TMPRSS4: variants seen among roughly 807,000 people sequenced by gnomAD.
TMPRSS4 encodes transmembrane serine protease 4.
TMPRSS4 carries 45 observed loss-of-function variants against 56.4 expected under a neutral mutation model. The ratio of observed to expected loss-of-function variants is 0.80; its 90% CI spans 0.63 to 1.02. The LOEUF (loss-of-function observed/expected upper bound fraction) is 1.02. TMPRSS4 is among the 50% of genes least tolerant of loss of function. The probability of loss-of-function intolerance (pLI) is 0.00; values close to 1 mark genes in which losing one functional copy is unlikely to be tolerated. For missense variants in TMPRSS4, 546 were observed against 556.7 expected, an observed-to-expected ratio of 0.98 and a Z score of 0.19; for synonymous variants, 205 against 211.0, an observed-to-expected ratio of 0.97 and a Z score of 0.25.
chr11:118,091,784 A>C (rs925607951), intron 1 of TMPRSS4, among the ~76,000 whole-genome samples: 2 of 152,210 alleles, frequency 1.3e-5, no homozygotes, highest in Non-Finnish European at 2.9e-5. Flanking sequence ...AAACTGTTAC[A>C]TGCCAGTTGG....
chr11:118,078,483 T>A (rs767500419), intron 1 of TMPRSS4, among the ~76,000 whole-genome samples: 23 of 152,150 alleles, frequency 1.5e-4, no homozygotes, highest in Non-Finnish European at 2.9e-4. Flanking sequence ...CTTAGTGCGG[T>A]TGTAGCTGAT....
At chr11:118,079,461 G>A (rs1944960295) in intron 1 of TMPRSS4, among the ~76,000 whole-genome samples, 1 of 152,186 alleles carries the variant, frequency 6.6e-6, no homozygotes, top group African/African-American at 2.4e-5. Flanking sequence ...CCAGGCAGAG[G>A]TCAGAGCCCA....
chr11:118,099,457 G>GAAA (rs746950946), intron 3 of TMPRSS4, among the ~76,000 whole-genome samples: 1,207 of 25,310 alleles, frequency 0.048, 46 homozygotes, highest in East Asian at 0.36. Context: ...GAGAGAAAGA[G>GAAA]AGAAAGAAAG....
intron 9 of TMPRSS4, 96 bp downstream of exon 9, chr11:118,113,531 T>C: frequency 7.3e-7 from 1 of 1,370,800 alleles, no homozygotes; most frequent in Non-Finnish European, 1.0e-6. Flanking sequence ...ACATAATGTC[T>C]CCTCTCAAGT....
intron 1 of TMPRSS4, among the ~76,000 whole-genome samples, chr11:118,093,831 G>A (rs1946129747): frequency 6.9e-6 from 1 of 145,024 alleles, no homozygotes; most frequent in Non-Finnish European, 1.5e-5. Context: ...CCCCCCAATG[G>A]TAACCACTAT....
Position 118,099,010 on chromosome 11 carries a change from T to C in TMPRSS4, c.69T>C (p.Arg23=), listed in dbSNP as rs1355763870. 6.2e-7 allele frequency: 1 copy of C among 1,613,854 alleles called. No homozygotes were observed. The highest frequency in any genetic ancestry group is 8.5e-7 in the Non-Finnish European group (1 of 1,179,850). ...ATGTCAAACCCCTGCGCAAACCCCG[T>C]ATCCCCATGGAGACCTTCAGAAAGG... ...SLDVKPLRKP[R]IPMETFRKVG... is the part of the protein sequence containing the mutation. The change falls in exon 3 of 13, where the codon CGT becomes CGC. Residue 23 remains arginine, a synonymous_variant. Coordinates refer to ENST00000437212, the MANE Select transcript of TMPRSS4 (RefSeq NM_019894.4).
At chr11:118,081,720 G>A (rs1433213315) in intron 1 of TMPRSS4, among the ~76,000 whole-genome samples, 7 of 152,164 alleles carry the variant, frequency 4.6e-5, no homozygotes, top group Admixed American at 3.3e-4. Flanking sequence ...AGCATATCCT[G>A]CTGTCTCAGT....
Position 118,077,141 on chromosome 11 carries a change from G to A in TMPRSS4, c.-162G>A. ...GCGGACAAGGATGCTGGGCGTGAGG[G>A]ACCAAGGCCTGCCCTGCACTCGGGC... On this transcript the variant is annotated 5_prime_UTR_variant, in exon 1 of 13. Transcript: ENST00000437212. 2 of 728,294 alleles carry A rather than the reference G, an allele frequency of 2.7e-6. No homozygotes were observed. Among genetic ancestry groups the A allele is most frequent in the Non-Finnish European group, 4.4e-6 (2 of 455,242 alleles). 45.1% of individuals were successfully genotyped at this position (728,294 alleles called of 1,614,324 possible). A position where few individuals can be genotyped will look rare whatever the true frequency, so the allele number is the denominator to read the frequency against.
chr11:118,094,830 C>T lies in TMPRSS4; in HGVS notation c.18C>T (p.Asp6=). ...TTTTCCTTCAATTACAGGATCCTGACAGTGATCAACCTCTGAACAGCCTCG... is the reference window on the plus strand; with the variant it reads ...TTTTCCTTCAATTACAGGATCCTGATAGTGATCAACCTCTGAACAGCCTCG... MLQDP[D]SDQPLNSLDV... The change falls in exon 2 of 13, where the codon GAC becomes GAT. Residue 6 remains aspartate (D), a synonymous_variant. Transcript: ENST00000437212. 6.2e-7 allele frequency: 1 copy of T among 1,612,292 alleles called. No homozygotes were observed. The highest frequency in any genetic ancestry group is 8.5e-7 in the Non-Finnish European group (1 of 1,179,338).
At chr11:118,112,545 A>G (rs1185273019) in intron 8 of TMPRSS4, among the ~76,000 whole-genome samples, 1 of 151,824 alleles carries the variant, frequency 6.6e-6, no homozygotes, top group East Asian at 1.9e-4. Flanking sequence ...GGCATGGGCC[A>G]CCATGCCCGG....
In TMPRSS4 at chr11:118,113,453, AG is replaced by A; in HGVS notation, c.910+20del. 1 of 1,612,054 alleles carries A rather than the reference AG, an allele frequency of 6.2e-7. No individual in the cohort carries two copies. Among genetic ancestry groups the A allele is most frequent in the Non-Finnish European group, 8.5e-7 (1 of 1,178,610 alleles). On this transcript the variant is annotated intron_variant, in intron 9 of 12. Coordinates refer to ENST00000437212, the MANE Select transcript of TMPRSS4 (RefSeq NM_019894.4). Reference sequence around the variant, plus strand: ...TTTCTCAGGTGAGAAGCAGGGCCCAAGGCCACTCAAGCCTCTTACATCAGTT... The same window carrying A: ...TTTCTCAGGTGAGAAGCAGGGCCCAAGCCACTCAAGCCTCTTACATCAGTT...
At chr11:118,098,529 A>G (rs937582500) in intron 2 of TMPRSS4, among the ~76,000 whole-genome samples, 5 of 152,224 alleles carry the variant, frequency 3.3e-5, no homozygotes, top group African/African-American at 1.2e-4. Flanking sequence ...TTAAGCCTCT[A>G]CTAAGCACAC....
At position 118,114,809 on chromosome 11, in the gene TMPRSS4, T is replaced by C. The variant is rs202045947; in HGVS notation, c.911-20T>C. The C allele has an allele frequency of 3.1e-4, 487 of 1,584,684 alleles. 1 individual carries two copies. The African/African-American group carries it at 5.9e-3, about 19-fold the overall frequency. On this transcript the variant is annotated intron_variant, in intron 9 of 12. Transcript: ENST00000437212. ...TTATGATGAATAAAAGATCTCCTTCTTCCTCTGTGCTCCTGGCAGGCACAG... is the reference window on the plus strand; with the variant it reads ...TTATGATGAATAAAAGATCTCCTTCCTCCTCTGTGCTCCTGGCAGGCACAG...
In TMPRSS4 at chr11:118,098,308, C is replaced by T. The variant is rs540749896; in HGVS notation, c.44-677C>T. Among the ~76,000 whole-genome samples, 3 of 152,322 alleles carry T rather than the reference C, an allele frequency of 2.0e-5. No individual in the cohort carries two copies. The South Asian group carries it at 6.2e-4, about 32-fold the overall frequency. On this transcript the variant is annotated intron_variant, in intron 2 of 12. Transcript: ENST00000437212. ...GACAGAGCTGAGCCAGTGCCTCCCT[C>T]CCAAACTGCATTTAAGTGCCACCTG...
chr11:118,079,275 CCACACCCAGG>C (rs1299785385), intron 1 of TMPRSS4, among the ~76,000 whole-genome samples: 2 of 152,122 alleles, frequency 1.3e-5, no homozygotes, highest in Non-Finnish European at 2.9e-5. Flanking sequence ...GATGGGATCT[CCACACCCAGG>C]CTCAGCCCTC....
chr11:118,097,025 A>AT (rs1946428324), intron 2 of TMPRSS4, among the ~76,000 whole-genome samples: 1 of 74,410 alleles, frequency 1.3e-5, no homozygotes, highest in African/African-American at 6.1e-5. Context: ...AGAAAGAAAG[A>AT]AAGAAAGAAA....
Position 118,116,783 on chromosome 11 carries a change from G to A in TMPRSS4, c.1153-522G>A, listed in dbSNP as rs1326032276. ...GGCTAGAGTGAAGTGGTTTGATCTC[G>A]GCTCACTGCAGCCTCCGCCTCTGGG... On this transcript the variant is annotated intron_variant, in intron 11 of 12. Transcript: ENST00000437212. Among the ~76,000 whole-genome samples the A allele has an allele frequency of 4.9e-5, 7 of 141,784 alleles. No individual in the cohort carries two copies. The South Asian group carries it at 9.1e-4, about 18-fold the overall frequency. The allele number at this position is 141,784 out of a possible 152,430, so 93.0% of individuals were successfully genotyped here.
chr11:118,093,826 C>G (rs1565418892), intron 1 of TMPRSS4, among the ~76,000 whole-genome samples: 1 of 150,994 alleles, frequency 6.6e-6, no homozygotes, highest in African/African-American at 2.4e-5. Context: ...CTGCCCCCCC[C>G]AATGGTAACC....
intron 1 of TMPRSS4, 60 bp from the exon 2 acceptor site, chr11:118,094,756 G>A: frequency 6.5e-7 from 1 of 1,536,806 alleles, no homozygotes; most frequent in Non-Finnish European, 8.9e-7. Context: ...ACCTCCCGTA[G>A]GCTGCTAGCC....
Sources: gnomAD v4.1 joint callset for allele counts (sites outside exome capture counted in the v4.1 genomes callset) on GRCh38, gnomAD v4.1.1 for gene constraint, MANE v1.5 for transcripts, NCBI Gene and HGNC (gene_info 2026-07-23, HGNC 2026-07-21) for gene names.